The following EIF4G3 variants were observed in gnomAD, a reference collection of about 807,000 sequenced individuals.
EIF4G3 encodes eukaryotic translation initiation factor 4 gamma 3.
EIF4G3 carries 34 observed loss-of-function variants against 186.4 expected under a neutral mutation model. The observed-to-expected ratio is 0.18, with a 90% CI of 0.14 to 0.24. The LOEUF is 0.24. Among genes scored for constraint, EIF4G3 ranks in the 10% least tolerant of loss-of-function variants. EIF4G3 has a pLI of 1.00. For synonymous variants in EIF4G3, 673 were observed against 679.5 expected, an observed-to-expected ratio of 0.99 and a Z score of 0.15; for missense variants, 1,536 against 1,948.5, an observed-to-expected ratio of 0.79 and a Z score of 3.99.
In EIF4G3 at chr1:21,029,881, A is replaced by G. The variant is rs569199261; in HGVS notation, c.-67+20985T>C. Among the ~76,000 whole-genome samples the G allele has an allele frequency of 2.6e-5, 4 of 152,314 alleles. No homozygotes were observed. In the South Asian group the frequency reaches 8.3e-4, roughly 32 times the overall value. Reference sequence around the variant, plus strand: ...TTATTTTATTTTTTATTCTTGAGACAGGGTCTCACTTTGTTGCCAGGCTGG... The same window carrying G: ...TTATTTTATTTTTTATTCTTGAGACGGGGTCTCACTTTGTTGCCAGGCTGG... On this transcript the variant is annotated intron_variant, in intron 4 of 36. Coordinates refer to ENST00000602326, the MANE Select transcript of EIF4G3 (RefSeq NM_001391906.1).
intron 36 of EIF4G3, 37 bp from the exon 37 acceptor site, chr1:20,807,537 C>A: frequency 6.6e-7 from 1 of 1,516,424 alleles, no homozygotes; most frequent in Non-Finnish European, 8.9e-7. Flanking sequence ...AGCTTTGGGA[C>A]ACTGTAGTTA....
chr1:21,169,125 C>T (rs1365807609), intron 2 of EIF4G3, among the ~76,000 whole-genome samples: 2 of 151,916 alleles, frequency 1.3e-5, no homozygotes, highest in African/African-American at 4.8e-5. Flanking sequence ...GAGCCATGAC[C>T]ATGCCCTGGG....
intron 2 of EIF4G3, among the ~76,000 whole-genome samples, chr1:21,152,130 C>A (rs1329191061): frequency 6.6e-6 from 1 of 151,986 alleles, no homozygotes; most frequent in East Asian, 1.9e-4. Context: ...GAACCAAGCA[C>A]CTAGAAAAAG....
intron 3 of EIF4G3, among the ~76,000 whole-genome samples, chr1:21,062,578 T>C (rs1228638372): frequency 6.6e-6 from 1 of 152,060 alleles, no homozygotes; most frequent in Non-Finnish European, 1.5e-5. Flanking sequence ...GATATAGATA[T>C]AGATACAGAT....
intron 2 of EIF4G3, among the ~76,000 whole-genome samples, chr1:21,170,190 T>TAAATAAATAAAC (rs1053567942): frequency 2.6e-5 from 4 of 152,154 alleles, no homozygotes; most frequent in African/African-American, 9.7e-5. Context: ...AATAAATAAA[T>TAAATAAATAAAC]AAACAAACAA....
intron 13 of EIF4G3, among the ~76,000 whole-genome samples, chr1:20,946,563 C>T (rs1194114046): frequency 1.3e-5 from 2 of 152,236 alleles, no homozygotes; most frequent in Admixed American, 6.5e-5. Context: ...TCTGAGAAAC[C>T]GGAAGCTTAA....
At chr1:21,047,424 C>A (rs574529636) in intron 4 of EIF4G3, among the ~76,000 whole-genome samples, 2 of 152,170 alleles carry the variant, frequency 1.3e-5, no homozygotes, top group African/African-American at 4.8e-5. Flanking sequence ...AATAAGACAA[C>A]CTTTGTTCAC....
At chr1:20,915,682 T>A (rs947558791) in intron 14 of EIF4G3, among the ~76,000 whole-genome samples, 27 of 152,302 alleles carry the variant, frequency 1.8e-4, no homozygotes, top group African/African-American at 6.5e-4. Context: ...TATTCTTGAC[T>A]AAAATAATTT....
At position 20,831,278 on chromosome 1, in the gene EIF4G3, A is replaced by ATT. The variant is rs35154451; in HGVS notation, c.4062-2008_4062-2007dup. On this transcript the variant is annotated intron_variant, in intron 30 of 36. Coordinates refer to ENST00000602326, the MANE Select transcript of EIF4G3 (RefSeq NM_001391906.1). ...ATACATGATTAAAAGAAAAATATTA[A>ATT]TTTTTTTTTTTTTTTTTTTGAGAAA... is the stretch of plus-strand genomic sequence containing the variant. Among the ~76,000 whole-genome samples, 297 of 143,004 alleles carry ATT rather than the reference A, an allele frequency of 2.1e-3. 1 individual carries two copies. Among genetic ancestry groups the ATT allele is most frequent in the African/African-American group, 4.6e-3 (178 of 38,624 alleles). 93.8% of individuals were successfully genotyped at this position (143,004 alleles called of 152,430 possible).
intron 14 of EIF4G3, among the ~76,000 whole-genome samples, chr1:20,940,380 G>C (rs567336290): frequency 1.3e-5 from 2 of 152,180 alleles, no homozygotes; most frequent in Non-Finnish European, 1.5e-5. Context: ...TGTTCTACAA[G>C]ATGTTCTGCA....
chr1:21,135,436 G>A (rs866932647), intron 2 of EIF4G3, among the ~76,000 whole-genome samples: 5 of 152,324 alleles, frequency 3.3e-5, no homozygotes, highest in Middle Eastern at 3.4e-3. Flanking sequence ...GGGAGGCAGA[G>A]GTTGCAATGA....
intron 30 of EIF4G3, 45 bp from the exon 31 acceptor site, chr1:20,829,317 A>G: frequency 6.3e-7 from 1 of 1,599,774 alleles, no homozygotes; most frequent in Non-Finnish European, 8.5e-7. Flanking sequence ...ATGTAATTCA[A>G]AAGTTAAAAT....
chr1:20,862,846 C>G (rs2154552065), intron 22 of EIF4G3, among the ~76,000 whole-genome samples: 1 of 152,220 alleles, frequency 6.6e-6, no homozygotes, highest in East Asian at 1.9e-4. Context: ...TCAATTATGC[C>G]TCATTGCAGC....
intron 4 of EIF4G3, among the ~76,000 whole-genome samples, chr1:21,005,253 G>C (rs1380192229): frequency 6.6e-6 from 1 of 151,960 alleles, no homozygotes; most frequent in South Asian, 2.1e-4. Context: ...TTTTAAAAGA[G>C]AGCACCAATT....
chr1:21,029,833 G>T (rs925912622), intron 4 of EIF4G3, among the ~76,000 whole-genome samples: 1 of 152,070 alleles, frequency 6.6e-6, no homozygotes, highest in Non-Finnish European at 1.5e-5. Context: ...AAAGACTATG[G>T]TCAGAAAAAT....
intron 2 of EIF4G3, among the ~76,000 whole-genome samples, chr1:21,146,640 C>T (rs1186334962): frequency 6.6e-6 from 1 of 151,884 alleles, no homozygotes; most frequent in Non-Finnish European, 1.5e-5. Flanking sequence ...ACCTGTAATC[C>T]CAGCTACTAG....
Position 20,807,417 on chromosome 1 carries a change from C to T in EIF4G3, c.4828G>A (p.Asp1610Asn), listed in dbSNP as rs772236365. The change falls in exon 37 of 37, where the codon GAC becomes AAC. Residue 1610 changes from aspartate (D) to asparagine (N), a missense_variant. Asp to Asn is a conservative substitution (Grantham distance 23). This residue lies in a region of EIF4G3 where 45 missense variants were observed against 99.1 expected (regional missense o/e 0.45). Transcript: ENST00000602326. ...DAFYKWESSK[D>N]PAEQNGKGVA... The stretch of plus-strand genomic sequence containing the variant: ...CCCTTCCCATTCTGCTCTGCAGGGT[C>T]CTTGCTGCTCTCCCATTTGTAGAAG... 1 of 1,612,984 alleles carries T rather than the reference C, an allele frequency of 6.2e-7. No individual in the cohort carries two copies.
chr1:20,933,438 C>CCT (rs2095406830), intron 14 of EIF4G3, among the ~76,000 whole-genome samples: 1 of 152,090 alleles, frequency 6.6e-6, no homozygotes, highest in Non-Finnish European at 1.5e-5. Context: ...GGGTGGATCA[C>CCT]AAGGTCAGGA....
chr1:20,840,727 C>A, intron 30 of EIF4G3, 129 bp downstream of exon 30: 2 of 785,002 alleles, frequency 2.5e-6, no homozygotes, highest in Non-Finnish European at 4.1e-6. Flanking sequence ...TGCATCATAT[C>A]AACATATTAC....
Sources: allele counts gnomAD v4.1 joint callset (sites outside exome capture counted in the v4.1 genomes callset), GRCh38; gene constraint gnomAD v4.1.1; regional missense constraint gnomAD v4.1.1; transcripts MANE v1.5; gene names NCBI Gene and HGNC (gene_info 2026-07-23, HGNC 2026-07-21).